The following MARCHF1 variants were observed in gnomAD, a reference collection of about 807,000 sequenced individuals.
The protein encoded by MARCHF1 is E3 ubiquitin-protein ligase MARCHF1.
Under a neutral mutation model 54.2 loss-of-function variants are expected in MARCHF1, and 40 were observed. The observed-to-expected ratio is 0.74, with a 90% CI of 0.57 to 0.96. The LOEUF is 0.96. Among genes scored for constraint, MARCHF1 ranks in the 40% least tolerant of loss-of-function variants. The probability of loss-of-function intolerance (pLI) is 0.00; values close to 1 mark genes in which losing one functional copy is unlikely to be tolerated. For synonymous variants in MARCHF1, 236 were observed against 236.3 expected (o/e 1.00, Z 0.01); for missense variants, 586 against 656.5 (o/e 0.89, Z 1.17).
At chr4:163,580,038 A>G (rs1160646191) in intron 8 of MARCHF1, among the ~76,000 whole-genome samples, 1 of 151,172 alleles carries the variant, frequency 6.6e-6, no homozygotes, top group African/African-American at 2.4e-5. Flanking sequence ...TTCATCCAGA[A>G]TTGTCTTTTG....
chr4:164,337,487 C>T (rs540381280), intron 1 of MARCHF1, among the ~76,000 whole-genome samples: 1 of 152,342 alleles, frequency 6.6e-6, no homozygotes, highest in South Asian at 2.1e-4. Flanking sequence ...GATCCATTAT[C>T]TTTCTCACCC....
At chr4:164,065,218 A>G (rs1332614392) in intron 2 of MARCHF1, among the ~76,000 whole-genome samples, 5 of 152,210 alleles carry the variant, frequency 3.3e-5, no homozygotes, top group African/African-American at 1.2e-4. Context: ...TAGTTTCAGA[A>G]GAAATGGTAC....
At chr4:163,662,017 G>A (rs1311119078) in intron 5 of MARCHF1, among the ~76,000 whole-genome samples, 1 of 151,936 alleles carries the variant, frequency 6.6e-6, no homozygotes. Flanking sequence ...ACAATTCCAG[G>A]GTTATGAGAA....
chr4:163,918,075 A>C (rs1167555604), intron 3 of MARCHF1, among the ~76,000 whole-genome samples: 1 of 151,996 alleles, frequency 6.6e-6, no homozygotes, highest in African/African-American at 2.4e-5. Context: ...TTTGTATAAG[A>C]TGTAAGGAAG....
intron 4 of MARCHF1, among the ~76,000 whole-genome samples, chr4:163,824,997 G>T (rs545051156): frequency 2.0e-5 from 3 of 151,494 alleles, no homozygotes; most frequent in African/African-American, 7.3e-5. Flanking sequence ...AACAACAGGT[G>T]CTGGAGAGGA....
At chr4:164,087,101 C>G (rs1755206885) in intron 2 of MARCHF1, among the ~76,000 whole-genome samples, 2 of 151,974 alleles carry the variant, frequency 1.3e-5, no homozygotes, top group Non-Finnish European at 2.9e-5. Flanking sequence ...CATGACTTTG[C>G]CTCAGAGATG....
chr4:164,377,164 C>T (rs1383437713), intron 1 of MARCHF1, among the ~76,000 whole-genome samples: 1 of 129,232 alleles, frequency 7.7e-6, no homozygotes, highest in Non-Finnish European at 1.7e-5. Context: ...TCAAAAATAA[C>T]ATTACATGTA....
chr4:164,313,866 T>C (rs990292680), intron 1 of MARCHF1, among the ~76,000 whole-genome samples: 1 of 152,108 alleles, frequency 6.6e-6, no homozygotes, highest in Non-Finnish European at 1.5e-5. Flanking sequence ...TTCTCATAAA[T>C]AGTTCTCAAA....
intron 4 of MARCHF1, among the ~76,000 whole-genome samples, chr4:163,802,169 T>C (rs1002200814): frequency 3.9e-5 from 6 of 152,106 alleles, no homozygotes; most frequent in Non-Finnish European, 5.9e-5. Flanking sequence ...GTTAAGAATG[T>C]CACCATTCTT....
chr4:164,218,583 A>C (rs781094251), intron 1 of MARCHF1, among the ~76,000 whole-genome samples: 1 of 151,826 alleles, frequency 6.6e-6, no homozygotes, highest in Non-Finnish European at 1.5e-5. Flanking sequence ...CATCATTCTC[A>C]GCAAACTATC....
chr4:163,698,682 AATAC>A, intron 5 of MARCHF1, among the ~76,000 whole-genome samples: 1 of 152,220 alleles, frequency 6.6e-6, no homozygotes, highest in East Asian at 1.9e-4. Context: ...TAAAGCATTA[AATAC>A]TAAAACATGA....
chr4:164,324,223 C>T lies in MARCHF1; in HGVS notation c.-323+59647G>A, dbSNP rs150508488. On this transcript the variant is annotated intron_variant, in intron 1 of 9. Coordinates refer to ENST00000514618, the MANE Select transcript of MARCHF1 (RefSeq NM_001394959.1). ...CATTAGAAGTAGGAAAGGCATTTGA[C>T]ACATTTCATACATTCCTAAAGGAAA... Among the ~76,000 whole-genome samples the T allele has an allele frequency of 5.1e-3, 773 of 151,842 alleles. 3 individuals carry two copies. Among genetic ancestry groups the T allele is most frequent in the Non-Finnish European group, 6.5e-3 (443 of 67,738 alleles).
At position 163,612,489 on chromosome 4, in the gene MARCHF1, G is replaced by T. The variant is rs553975695; in HGVS notation, c.792C>A (p.Ser264Arg). 1.4e-5 allele frequency: 22 copies of T among 1,535,126 alleles called. No homozygotes were observed. The Admixed American group carries it at 4.1e-4, about 29-fold the overall frequency. ...GATCTCTGTGGTGATATCTGCCTTT[G>T]CTCTTCTCATGATTCCTTGAGGATC... ...IKRSSRNHEK[S>R]KGRYHHRDPQ... Residue 264 changes from serine to arginine, a missense_variant, in exon 7 of 10, where the codon AGC (serine) becomes AGA (arginine). By Grantham distance (110) the Ser-to-Arg change is moderately radical. Around this residue, in one of 3 missense-constraint regions of MARCHF1, gnomAD observed 387 missense variants for 394.6 expected, o/e 0.98. Transcript: ENST00000514618.
intron 3 of MARCHF1, chr4:163,932,440 C>A (rs1751697494): frequency 2.6e-6 from 1 of 386,942 alleles, no homozygotes. Context: ...ATTCTAAATC[C>A]TTTGTTGTCA....
At chr4:163,680,917 T>G (rs1744080826) in intron 5 of MARCHF1, among the ~76,000 whole-genome samples, 1 of 151,784 alleles carries the variant, frequency 6.6e-6, no homozygotes, top group African/African-American at 2.4e-5. Flanking sequence ...GTATTTCTAG[T>G]TGCCTAGCAC....
At chr4:163,941,372 C>A (rs1487154844) in intron 3 of MARCHF1, among the ~76,000 whole-genome samples, 1 of 151,964 alleles carries the variant, frequency 6.6e-6, no homozygotes, top group Non-Finnish European at 1.5e-5. Flanking sequence ...TCCAAGAAAC[C>A]ATGAAATGGA....
At position 163,874,375 on chromosome 4, in the gene MARCHF1, T is replaced by C. The variant is rs546941332; in HGVS notation, c.-38-20206A>G. ...GTAGTTCCAGCATGTAGCCGTTCAA[T>C]ATCAGCTCTACACACCAAATACTGT... On this transcript the variant is annotated intron_variant, in intron 3 of 9. Transcript: ENST00000514618. Among the ~76,000 whole-genome samples, 5 of 151,954 alleles carry C rather than the reference T, an allele frequency of 3.3e-5. No individual in the cohort carries two copies. The South Asian group carries it at 8.3e-4, about 25-fold the overall frequency.
intron 1 of MARCHF1, among the ~76,000 whole-genome samples, chr4:164,311,344 G>T (rs1734846235): frequency 6.6e-6 from 1 of 152,090 alleles, no homozygotes; most frequent in African/African-American, 2.4e-5. Flanking sequence ...AGTTTTATGA[G>T]TTACCATGAA....
intron 4 of MARCHF1, among the ~76,000 whole-genome samples, chr4:163,792,653 A>G (rs1041623709): frequency 5.3e-5 from 8 of 152,208 alleles, no homozygotes; most frequent in Non-Finnish European, 1.0e-4. Flanking sequence ...TTTTAACTGA[A>G]GAGTAAAACA....
Sources: allele counts gnomAD v4.1 joint callset (sites outside exome capture counted in the v4.1 genomes callset), GRCh38; gene constraint gnomAD v4.1.1; regional missense constraint gnomAD v4.1.1; transcripts MANE v1.5; gene names NCBI Gene and HGNC (gene_info 2026-07-23, HGNC 2026-07-21).